GALNT18: variants seen among roughly 807,000 people sequenced by gnomAD.
GALNT18 encodes polypeptide N-acetylgalactosaminyltransferase 18, also known as GalNAc-transferase 18.
A neutral mutation model predicts 69.5 loss-of-function variants in GALNT18; 44 were observed. The observed-to-expected ratio is 0.63, with a 90% CI of 0.50 to 0.81. The LOEUF (loss-of-function observed/expected upper bound fraction) is 0.81, where lower values mean the gene tolerates loss of function less well. Ranked by LOEUF, GALNT18 falls within the 40% of genes least tolerant of loss-of-function variation. GALNT18 has a pLI of 0.00. For synonymous variants in GALNT18, 364 were observed against 318.2 expected (o/e 1.14, Z -1.53); for missense variants, 715 against 810.0 (o/e 0.88, Z 1.42).
chr11:11,594,917 G>A (rs980041487), intron 1 of GALNT18, among the ~76,000 whole-genome samples: 8 of 68,088 alleles, frequency 1.2e-4, no homozygotes, highest in African/African-American at 2.1e-4. Context: ...CAAAATATGC[G>A]TGTGTGTATA....
At chr11:11,476,720 T>C (rs754799138) in intron 1 of GALNT18, among the ~76,000 whole-genome samples, 6 of 152,166 alleles carry the variant, frequency 3.9e-5, no homozygotes, top group Non-Finnish European at 7.3e-5. Flanking sequence ...GGCTATTTCA[T>C]AGCAACTTGG....
At chr11:11,544,976 C>T (rs1258290618) in intron 1 of GALNT18, among the ~76,000 whole-genome samples, 1 of 152,240 alleles carries the variant, frequency 6.6e-6, no homozygotes, top group East Asian at 1.9e-4. Context: ...TTAATTACTA[C>T]ACTACCCTGC....
chr11:11,324,843 C>T (rs571027323), intron 9 of GALNT18, among the ~76,000 whole-genome samples: 1 of 152,224 alleles, frequency 6.6e-6, no homozygotes, highest in Non-Finnish European at 1.5e-5. Flanking sequence ...TATTTTCTCC[C>T]ACACTGTGGG....
intron 1 of GALNT18, among the ~76,000 whole-genome samples, chr11:11,574,344 T>C (rs950784454): frequency 2.0e-5 from 3 of 152,176 alleles, no homozygotes; most frequent in Non-Finnish European, 4.4e-5. Flanking sequence ...ATCTGCTCCC[T>C]AGACTGGGGG....
Position 11,558,712 on chromosome 11 carries a change from C to G in GALNT18, c.235+62647G>C, listed in dbSNP as rs558773240. Among the ~76,000 whole-genome samples the G allele has an allele frequency of 3.9e-5, 6 of 152,390 alleles. 1 individual carries two copies. The South Asian group carries it at 1.2e-3, about 32-fold the overall frequency. The stretch of plus-strand genomic sequence containing the variant: ...CGCACTGCTGGATTTCCACAGCTTC[C>G]CTGGCCAGGAAAGCACTTTGCAGGT... On this transcript the variant is annotated intron_variant, in intron 1 of 10. Coordinates refer to ENST00000227756, the MANE Select transcript of GALNT18 (RefSeq NM_198516.3).
intron 1 of GALNT18, among the ~76,000 whole-genome samples, chr11:11,585,866 C>T (rs1488668581): frequency 6.6e-6 from 1 of 151,084 alleles, no homozygotes; most frequent in Non-Finnish European, 1.5e-5. Flanking sequence ...GTTTGTGGCC[C>T]CCCACCCACA....
rs1042133371 is a variant in GALNT18, at chr11:11,337,166, G to A, written c.1278+3653C>T. On this transcript the variant is annotated intron_variant, in intron 7 of 10. Coordinates refer to ENST00000227756, the MANE Select transcript of GALNT18 (RefSeq NM_198516.3). The surrounding 1 kb of genome is among the most constrained non-coding windows in gnomAD (Gnocchi z 4.9). Reference sequence around the variant, plus strand: ...GACCCAGATGAGTATTTTTTTAAAAGTTCTTCAAGCGATTCTGATGCAGTT... The same window carrying A: ...GACCCAGATGAGTATTTTTTTAAAAATTCTTCAAGCGATTCTGATGCAGTT... Among the ~76,000 whole-genome samples, 2 of 152,146 alleles carry A rather than the reference G, an allele frequency of 1.3e-5. No individual in the cohort carries two copies. Among genetic ancestry groups the A allele is most frequent in the Non-Finnish European group, 2.9e-5 (2 of 68,026 alleles).
chr11:11,399,374 G>T (rs915359698), intron 3 of GALNT18, among the ~76,000 whole-genome samples: 5 of 152,152 alleles, frequency 3.3e-5, no homozygotes, highest in African/African-American at 7.2e-5. Context: ...TCTTTAAGAG[G>T]TTCACCTTTA....
At chr11:11,529,625 T>TTATA (rs10545842) in intron 1 of GALNT18, among the ~76,000 whole-genome samples, 2 of 148,910 alleles carry the variant, frequency 1.3e-5, no homozygotes, top group Admixed American at 6.7e-5. Context: ...AATAATCTCC[T>TTATA]TATATATATA....
intron 3 of GALNT18, among the ~76,000 whole-genome samples, chr11:11,391,971 A>G (rs1241758380): frequency 6.6e-6 from 1 of 152,226 alleles, no homozygotes; most frequent in Non-Finnish European, 1.5e-5. Context: ...TTTCATAAAT[A>G]TGCATTGCAA....
rs58012512 is a variant in GALNT18 at position 11,419,596 on chromosome 11, CAAAAAAA to C, written c.595+13018_595+13024del. Among the ~76,000 whole-genome samples, 126 of 26,622 alleles carry C rather than the reference CAAAAAAA, an allele frequency of 4.7e-3. 2 individuals carry two copies. The highest frequency in any genetic ancestry group is 0.033 in the East Asian group (36 of 1,092). The allele number at this position is 26,622 out of a possible 152,430, so 17.5% of individuals were successfully genotyped here. On this transcript the variant is annotated intron_variant, in intron 3 of 10. Transcript: ENST00000227756. ...TGGGCAACAAAGCAAGATCCTGTCTCAAAAAAAAAAAAAAAAAAAAAAAAAAGAAAGA... is the reference window on the plus strand; with the variant it reads ...TGGGCAACAAAGCAAGATCCTGTCTCAAAAAAAAAAAAAAAAAAAGAAAGA...
chr11:11,594,838 TATACACATATACATAC>T (rs1435287473), intron 1 of GALNT18, among the ~76,000 whole-genome samples: 1,373 of 64,828 alleles, frequency 0.021, 23 homozygotes, highest in African/African-American at 0.049. Context: ...TATATATATA[TATACACATATACATAC>T]ATACACACAC....
At chr11:11,579,035 A>C (rs983010456) in intron 1 of GALNT18, among the ~76,000 whole-genome samples, 2 of 152,230 alleles carry the variant, frequency 1.3e-5, no homozygotes, top group Non-Finnish European at 2.9e-5. Context: ...GCAGCCAGGG[A>C]AAAAACAAAG....
intron 1 of GALNT18, among the ~76,000 whole-genome samples, chr11:11,610,874 T>C (rs1334137813): frequency 6.6e-6 from 1 of 152,212 alleles, no homozygotes; most frequent in African/African-American, 2.4e-5. Flanking sequence ...TTCTCTCCCA[T>C]CAGGGAAATA....
chr11:11,355,471 T>C (rs571362976), intron 6 of GALNT18, among the ~76,000 whole-genome samples: 1 of 152,358 alleles, frequency 6.6e-6, no homozygotes, highest in East Asian at 1.9e-4. Context: ...CTGGGGACTA[T>C]TCTGGTTTAT....
intron 1 of GALNT18, among the ~76,000 whole-genome samples, chr11:11,453,417 C>T (rs1855848607): frequency 6.6e-6 from 1 of 152,232 alleles, no homozygotes; most frequent in South Asian, 2.1e-4. Context: ...GCCTCAGCTC[C>T]AGCATTTCCC....
rs1226372805 is a variant in GALNT18 at position 11,621,416 on chromosome 11, G to C, written c.178C>G (p.Leu60Val). Residue 60 changes from leucine (L) to valine (V), a missense_variant, in exon 1 of 11, where the codon CTG becomes GTG. By Grantham distance (32) the Leu-to-Val change is conservative. Transcript: ENST00000227756. This position sits in a 1 kb window ranked among gnomAD's most constrained non-coding sequence, Gnocchi z 9.3. ...KKLEEDKGDT[L>V]KIIERLDHLE... Reference sequence around the variant, plus strand: ...TGGTCCAGCCGCTCAATAATCTTCAGAGTGTCCCCTTTGTCTTCCTCCAGC... The same window carrying C: ...TGGTCCAGCCGCTCAATAATCTTCACAGTGTCCCCTTTGTCTTCCTCCAGC... The C allele has an allele frequency of 4.3e-6, 7 of 1,614,110 alleles. No homozygotes were observed. In the South Asian group the frequency reaches 7.7e-5, roughly 18 times the overall value.
At chr11:11,397,773 C>T (rs1241518073) in intron 3 of GALNT18, among the ~76,000 whole-genome samples, 3 of 152,160 alleles carry the variant, frequency 2.0e-5, no homozygotes, top group African/African-American at 7.2e-5. Flanking sequence ...ACCCGGCCCA[C>T]AAGGGCTTAT....
At chr11:11,423,928 G>A (rs906876953) in intron 3 of GALNT18, among the ~76,000 whole-genome samples, 6 of 152,188 alleles carry the variant, frequency 3.9e-5, no homozygotes, top group African/African-American at 9.7e-5. Flanking sequence ...CATACTAAGC[G>A]CTCAATGAGC....
Sources: gnomAD v4.1 joint callset for allele counts (sites outside exome capture counted in the v4.1 genomes callset) on GRCh38, gnomAD v4.1.1 for gene constraint, Gnocchi (gnomAD v3.1) non-coding constraint, MANE v1.5 for transcripts, NCBI Gene and HGNC (gene_info 2026-07-23, HGNC 2026-07-21) for gene names.